The following ZFPM2 variants were observed in gnomAD, a reference collection of about 807,000 sequenced individuals.
ZFPM2 encodes zinc finger protein ZFPM2.
ZFPM2 carries 20 observed loss-of-function variants against 98.6 expected under a neutral mutation model. The observed-to-expected ratio is 0.20, with a 90% CI of 0.14 to 0.29. The LOEUF is 0.29. Ranked by LOEUF, ZFPM2 falls within the 10% of genes least tolerant of loss-of-function variation. The pLI is 1.00. For synonymous variants in ZFPM2, 518 were observed against 502.7 expected, an observed-to-expected ratio of 1.03 and a Z score of -0.41; for missense variants, 1,310 against 1,388.6, an observed-to-expected ratio of 0.94 and a Z score of 0.90.
Position 105,350,869 on chromosome 8 carries a change from C to T in ZFPM2, c.40+31888C>T, listed in dbSNP as rs529262895. Among the ~76,000 whole-genome samples the T allele has an allele frequency of 7.2e-4, 110 of 152,072 alleles. 2 individuals are homozygous for T. The highest frequency in any genetic ancestry group is 6.0e-4 in the Non-Finnish European group (41 of 67,988). On this transcript the variant is annotated intron_variant, in intron 1 of 7. Transcript: ENST00000407775. ...TTGGTTTCAGAACCCCTAGCAGATA[C>T]TAGATTCCAGATAGAAAATGACATA...
At chr8:105,716,468 G>A (rs1811526691) in intron 5 of ZFPM2, among the ~76,000 whole-genome samples, 1 of 151,820 alleles carries the variant, frequency 6.6e-6, no homozygotes, top group South Asian at 2.1e-4. Context: ...ATATGTCTGT[G>A]TTATATACGT....
At chr8:105,780,510 A>T (rs566174625) in intron 5 of ZFPM2, 2 of 152,356 alleles carry the variant, frequency 1.3e-5, no homozygotes, top group African/African-American at 4.8e-5. Context: ...CAGTCGTTAC[A>T]TCATTGTTTA....
chr8:105,459,365 T>G (rs1379459904), intron 3 of ZFPM2, among the ~76,000 whole-genome samples: 1 of 152,130 alleles, frequency 6.6e-6, no homozygotes, highest in Non-Finnish European at 1.5e-5. Flanking sequence ...AAATACTCCC[T>G]GTCTAGGAAA....
At chr8:105,539,647 G>T (rs1176163397) in intron 3 of ZFPM2, among the ~76,000 whole-genome samples, 4 of 152,146 alleles carry the variant, frequency 2.6e-5, no homozygotes, top group Admixed American at 1.3e-4. Flanking sequence ...CCTTTGTGAG[G>T]CTGGAGGAAA....
intron 1 of ZFPM2, among the ~76,000 whole-genome samples, chr8:105,354,337 T>C (rs1812701972): frequency 6.6e-6 from 1 of 152,216 alleles, no homozygotes; most frequent in Admixed American, 6.5e-5. Context: ...CACAAGCTAA[T>C]CTTTACAGGA....
chr8:105,497,302 A>G (rs1361300042), intron 3 of ZFPM2, among the ~76,000 whole-genome samples: 3 of 152,152 alleles, frequency 2.0e-5, no homozygotes, highest in Non-Finnish European at 4.4e-5. Flanking sequence ...CTCTTAAAGC[A>G]TTCTGATATC....
rs535399059 is a variant in ZFPM2, at chr8:105,562,202, C to T, written c.420+721C>T. Among the ~76,000 whole-genome samples, 30 of 151,574 alleles carry T rather than the reference C, an allele frequency of 2.0e-4. No individual in the cohort carries two copies. The South Asian group carries it at 5.4e-3, about 27-fold the overall frequency. On this transcript the variant is annotated intron_variant, in intron 4 of 7. Transcript: ENST00000407775. ...GCGGGTGCCTGTAGTCCCAGCTACT[C>T]GGGAGGCTGAGGCAGGAGAATTGCT...
At chr8:105,611,097 A>G (rs1476109433) in intron 4 of ZFPM2, among the ~76,000 whole-genome samples, 1 of 152,208 alleles carries the variant, frequency 6.6e-6, no homozygotes, top group Non-Finnish European at 1.5e-5. Flanking sequence ...TTGAGTTTAT[A>G]CATTATTTAC....
intron 3 of ZFPM2, among the ~76,000 whole-genome samples, chr8:105,549,016 A>G (rs1432377428): frequency 6.6e-6 from 1 of 152,186 alleles, no homozygotes; most frequent in Non-Finnish European, 1.5e-5. Flanking sequence ...AGTCTGATAC[A>G]TGGTGGGCTA....
intron 4 of ZFPM2, among the ~76,000 whole-genome samples, chr8:105,623,922 A>T (rs535799526): frequency 6.6e-6 from 1 of 152,320 alleles, no homozygotes; most frequent in African/African-American, 2.4e-5. Context: ...GCAATTGGCC[A>T]ATGCAAATAG....
chr8:105,711,240 C>T (rs946846299), intron 5 of ZFPM2, among the ~76,000 whole-genome samples: 10 of 152,074 alleles, frequency 6.6e-5, no homozygotes, highest in Non-Finnish European at 1.3e-4. Context: ...AAACTCTGCT[C>T]CAAAGTATCC....
chr8:105,444,156 A>G, intron 2 of ZFPM2, 124 bp from the exon 3 acceptor site: 1 of 706,608 alleles, frequency 1.4e-6, no homozygotes, highest in Non-Finnish European at 2.5e-6. Context: ...TTATTAGTGT[A>G]ATGACAATAT....
intron 4 of ZFPM2, among the ~76,000 whole-genome samples, chr8:105,581,768 A>G (rs537577225): frequency 1.3e-5 from 2 of 152,146 alleles, no homozygotes; most frequent in East Asian, 1.9e-4. Flanking sequence ...GCCATAAACT[A>G]TGATTCTCAC....
intron 1 of ZFPM2, among the ~76,000 whole-genome samples, chr8:105,394,083 C>T (rs367986055): frequency 3.9e-5 from 6 of 151,926 alleles, no homozygotes; most frequent in Admixed American, 3.3e-4. Context: ...TTATTAGAGT[C>T]GGGGTTTCAC....
chr8:105,372,004 AATT>A (rs139489210), intron 1 of ZFPM2, among the ~76,000 whole-genome samples: 35,464 of 145,304 alleles, frequency 0.24, 4,443 homozygotes, highest in East Asian at 0.44. Context: ...AAAATAGTGA[AATT>A]ATTATTATTA....
chr8:105,479,968 T>C (rs1813084167), intron 3 of ZFPM2, among the ~76,000 whole-genome samples: 1 of 152,206 alleles, frequency 6.6e-6, no homozygotes, highest in Non-Finnish European at 1.5e-5. Flanking sequence ...ACTGCATAGA[T>C]CAAGGAATTG....
intron 3 of ZFPM2, among the ~76,000 whole-genome samples, chr8:105,499,217 C>T (rs563030900): frequency 2.1e-4 from 31 of 149,186 alleles, no homozygotes; most frequent in Non-Finnish European, 4.3e-4. Context: ...TCAGGCAATG[C>T]GACGTCAGTT....
chr8:105,710,663 TTGTGTGTGTGTGTGTGTG>T (rs34170034), intron 5 of ZFPM2, among the ~76,000 whole-genome samples: 55 of 143,910 alleles, frequency 3.8e-4, no homozygotes, highest in Admixed American at 3.0e-3. Flanking sequence ...ATGCACAAAA[TTGTGTGTGTGTGTGTGTG>T]TGTGTGTGTG....
At chr8:105,788,181 A>T (rs1813477737) in intron 5 of ZFPM2, among the ~76,000 whole-genome samples, 1 of 152,168 alleles carries the variant, frequency 6.6e-6, no homozygotes, top group African/African-American at 2.4e-5. Flanking sequence ...AACTACCTGA[A>T]TTTCATTTTA....
Sources: allele counts gnomAD v4.1 joint callset (sites outside exome capture counted in the v4.1 genomes callset), GRCh38; gene constraint gnomAD v4.1.1; transcripts MANE v1.5; gene names NCBI Gene and HGNC (gene_info 2026-07-23, HGNC 2026-07-21).